Variants in LMOD1 observed in about 807,000 individuals in gnomAD.
LMOD1 encodes the protein leiomodin 1.
A neutral mutation model predicts 36.5 loss-of-function variants in LMOD1; 8 were observed. The ratio of observed to expected loss-of-function variants is 0.22; its 90% CI spans 0.13 to 0.40. LMOD1 has a LOEUF of 0.40. LMOD1 is among the 10% of genes least tolerant of loss of function. LMOD1 has a pLI of 1.00. For synonymous variants in LMOD1, 284 were observed against 288.7 expected (o/e 0.98, Z 0.17); for missense variants, 630 against 751.1 (o/e 0.84, Z 1.88).
Position 201,927,508 on chromosome 1 carries a change from G to A in LMOD1, c.261+18572C>T, listed in dbSNP as rs1681847746. On this transcript the variant is annotated intron_variant, in intron 1 of 2. Coordinates refer to ENST00000367288, the MANE Select transcript of LMOD1 (RefSeq NM_012134.3). ...TTGAACCCAGAAGGCAGAGGTTGCA[G>A]TGAGCCAAGATCACGCCACTGCACT... Among the ~76,000 whole-genome samples the A allele has an allele frequency of 2.0e-5, 3 of 151,890 alleles. No individual in the cohort carries two copies. The South Asian group carries it at 6.2e-4, about 31-fold the overall frequency.
intron 1 of LMOD1, among the ~76,000 whole-genome samples, chr1:201,944,784 C>T (rs1263098573): frequency 2.6e-5 from 4 of 152,034 alleles, no homozygotes; most frequent in African/African-American, 9.7e-5. Flanking sequence ...TTTGCTTCAC[C>T]CCCTTCCCTC....
At chr1:201,924,665 A>AAAAGAAAGAAAGAAAG (rs547652390) in intron 1 of LMOD1, among the ~76,000 whole-genome samples, 9 of 130,294 alleles carry the variant, frequency 6.9e-5, no homozygotes, top group African/African-American at 8.9e-5. Context: ...AGAAAGAAAA[A>AAAAGAAAGAAAGAAAG]AAAGAAAGAA....
chr1:201,931,610 G>A (rs777234994), intron 1 of LMOD1, among the ~76,000 whole-genome samples: 2 of 151,934 alleles, frequency 1.3e-5, no homozygotes, highest in Non-Finnish European at 2.9e-5. Flanking sequence ...TGCATACATG[G>A]ATGCTTACAA....
rs1165245914 is a variant in LMOD1, at chr1:201,897,348, G to T, written c.*1024C>A. The T allele has an allele frequency of 6.3e-6, 1 of 157,848 alleles. No homozygotes were observed. Among genetic ancestry groups the T allele is most frequent in the Non-Finnish European group, 1.4e-5 (1 of 71,086 alleles). 9.8% of individuals were successfully genotyped at this position (157,848 alleles called of 1,614,324 possible). Reference sequence around the variant, plus strand: ...ATCCCAGCACCCTGGGCTCCACTCTGCCCCAGCACCCCTGAGAACAACTCT... The same window carrying T: ...ATCCCAGCACCCTGGGCTCCACTCTTCCCCAGCACCCCTGAGAACAACTCT... On this transcript the variant is annotated 3_prime_UTR_variant, in exon 3 of 3. Transcript: ENST00000367288.
intron 1 of LMOD1, among the ~76,000 whole-genome samples, chr1:201,901,529 T>TAC (rs1681304413): frequency 3.6e-5 from 1 of 27,694 alleles, no homozygotes; most frequent in Non-Finnish European, 5.7e-5. Flanking sequence ...TATATATATA[T>TAC]GTATATATAT....
At chr1:201,904,301 T>G (rs1319457179) in intron 1 of LMOD1, among the ~76,000 whole-genome samples, 3 of 152,104 alleles carry the variant, frequency 2.0e-5, no homozygotes, top group Non-Finnish European at 2.9e-5. Flanking sequence ...ACCTCTGCCT[T>G]CTGAGTTCAA....
chr1:201,929,347 G>A (rs984989963), intron 1 of LMOD1, among the ~76,000 whole-genome samples: 1 of 152,064 alleles, frequency 6.6e-6, no homozygotes, highest in Non-Finnish European at 1.5e-5. Context: ...ATACCAAAGT[G>A]CTGGGATTAC....
rs2102906597 is a variant in LMOD1 at position 201,898,325 on chromosome 1, G to A, written c.*47C>T. On this transcript the variant is annotated 3_prime_UTR_variant, in exon 3 of 3. Coordinates refer to ENST00000367288, the MANE Select transcript of LMOD1 (RefSeq NM_012134.3). Reference sequence around the variant, plus strand: ...GGGTCTGTGTAGCCCTGGGAGGTGAGGCCTGAGCAGTCATGGCATTGGCAG... The same window carrying A: ...GGGTCTGTGTAGCCCTGGGAGGTGAAGCCTGAGCAGTCATGGCATTGGCAG... 1.3e-6 allele frequency: 2 copies of A among 1,598,876 alleles called. No homozygotes were observed. The highest frequency in any genetic ancestry group is 1.3e-5 in the African/African-American group (1 of 74,822).
At position 201,931,973 on chromosome 1, in the gene LMOD1, C is replaced by T. The variant is rs114262396; in HGVS notation, c.261+14107G>A. The stretch of plus-strand genomic sequence containing the variant: ...AGAAGGAGTGTAGATGTTTTCTGGG[C>T]AGCTTTGAGGGCTTGGCTGAGGTTA... On this transcript the variant is annotated intron_variant, in intron 1 of 2. Coordinates refer to ENST00000367288, the MANE Select transcript of LMOD1 (RefSeq NM_012134.3). Among the ~76,000 whole-genome samples the T allele has an allele frequency of 8.4e-3, 1,277 of 151,214 alleles. 12 individuals are homozygous for T. The highest frequency in any genetic ancestry group is 0.029 in the African/African-American group (1,202 of 41,186).
intron 1 of LMOD1, among the ~76,000 whole-genome samples, chr1:201,907,482 G>A (rs1189296552): frequency 6.6e-6 from 1 of 152,204 alleles, no homozygotes; most frequent in Non-Finnish European, 1.5e-5. Flanking sequence ...TAGTATCTTG[G>A]TATTGTTTAG....
At chr1:201,942,099 C>T (rs1682126188) in intron 1 of LMOD1, among the ~76,000 whole-genome samples, 2 of 152,190 alleles carry the variant, frequency 1.3e-5, no homozygotes, top group African/African-American at 2.4e-5. Flanking sequence ...CACTGGCTGA[C>T]AGGTCTGGCC....
chr1:201,917,666 T>A (rs914414411), intron 1 of LMOD1, among the ~76,000 whole-genome samples: 1 of 152,184 alleles, frequency 6.6e-6, no homozygotes, highest in Non-Finnish European at 1.5e-5. Flanking sequence ...AGCACTCTGC[T>A]CTCTGAAGTG....
At chr1:201,929,550 G>A (rs1681884192) in intron 1 of LMOD1, among the ~76,000 whole-genome samples, 1 of 152,072 alleles carries the variant, frequency 6.6e-6, no homozygotes, top group Non-Finnish European at 1.5e-5. Context: ...TGATTTAATT[G>A]GTTATTTTTA....
Position 201,913,593 on chromosome 1 carries a change from C to A in LMOD1, c.262-12842G>T, listed in dbSNP as rs1681548788. ...CTGCACTCCAGCCTGAGCGACAGAG[C>A]CAGACTCTGTCTCAAAAGAAAAAAA... On this transcript the variant is annotated intron_variant, in intron 1 of 2. Coordinates refer to ENST00000367288, the MANE Select transcript of LMOD1 (RefSeq NM_012134.3). Among the ~76,000 whole-genome samples, 4 of 152,292 alleles carry A rather than the reference C, an allele frequency of 2.6e-5. No homozygotes were observed. In the South Asian group the frequency reaches 8.3e-4, roughly 32 times the overall value.
chr1:201,923,895 GA>G (rs1681750131), intron 1 of LMOD1, among the ~76,000 whole-genome samples: 2 of 140,868 alleles, frequency 1.4e-5, no homozygotes, highest in East Asian at 2.1e-4. Context: ...GAGAGAGAGA[GA>G]GAGAGAGGGA....
intron 1 of LMOD1, among the ~76,000 whole-genome samples, chr1:201,902,769 A>G (rs926631673): frequency 6.6e-6 from 1 of 152,178 alleles, no homozygotes; most frequent in Non-Finnish European, 1.5e-5. Flanking sequence ...TATACACAGC[A>G]TAAGCCACCC....
At chr1:201,922,642 G>GTCCC (rs1399133224) in intron 1 of LMOD1, among the ~76,000 whole-genome samples, 1 of 151,706 alleles carries the variant, frequency 6.6e-6, no homozygotes, top group Non-Finnish European at 1.5e-5. Flanking sequence ...AAAATATTCT[G>GTCCC]GAATCAGGTA....
At chr1:201,920,045 C>CTTTTTTTTTTT (rs576044641) in intron 1 of LMOD1, among the ~76,000 whole-genome samples, 1 of 52,502 alleles carries the variant, frequency 1.9e-5, no homozygotes, top group African/African-American at 7.5e-5. Flanking sequence ...GGCTCTCTCT[C>CTTTTTTTTTTT]TTTTTTTTTT....
chr1:201,920,755 G>A (rs974699007), intron 1 of LMOD1, among the ~76,000 whole-genome samples: 4 of 152,200 alleles, frequency 2.6e-5, no homozygotes, highest in Non-Finnish European at 4.4e-5. Flanking sequence ...GAGGCTGGGC[G>A]CGGTGGCTCA....
Sources: allele counts gnomAD v4.1 joint callset (sites outside exome capture counted in the v4.1 genomes callset), GRCh38; gene constraint gnomAD v4.1.1; transcripts MANE v1.5; gene names NCBI Gene and HGNC (gene_info 2026-07-23, HGNC 2026-07-21).